Variants in PYGB observed in about 807,000 individuals in gnomAD.
PYGB encodes the protein glycogen phosphorylase B.
PYGB carries 82 observed loss-of-function variants against 94.3 expected under a neutral mutation model. The observed-to-expected ratio is 0.87, with a 90% confidence interval of 0.73 to 1.04. The LOEUF is 1.04. Ranked by LOEUF, PYGB falls within the 50% of genes least tolerant of loss-of-function variation. The pLI is 0.00. For synonymous variants in PYGB, 488 were observed against 479.1 expected (o/e 1.02, Z -0.24); for missense variants, 1,132 against 1,158.2 (o/e 0.98, Z 0.33).
chr20:25,272,093 A>G (rs772183505), intron 4 of PYGB, among the ~76,000 whole-genome samples: 3 of 152,218 alleles, frequency 2.0e-5, no homozygotes, highest in Admixed American at 6.5e-5. Flanking sequence ...GCGTGGTCTT[A>G]AAATGCAACC....
chr20:25,285,006 TTAAA>T (rs1024618411), intron 14 of PYGB: 7 of 152,218 alleles, frequency 4.6e-5, no homozygotes, highest in Admixed American at 6.5e-5. Context: ...AGTAGGTATT[TTAAA>T]AACCAAAGGA....
chr20:25,294,333 A>C, intron 18 of PYGB, 41 bp downstream of exon 18: 2 of 326,056 alleles, frequency 6.1e-6, no homozygotes, highest in Non-Finnish European at 1.2e-5. Flanking sequence ...GGAGGGAGGG[A>C]GGGAGGGAGG....
At chr20:25,248,442 G>A in intron 1 of PYGB, 21 bp downstream of exon 1, 1 of 1,388,956 alleles carries the variant, frequency 7.2e-7, no homozygotes, top group Admixed American at 2.8e-5. Flanking sequence ...GCCCCGCCCT[G>A]TGCGCCCGTG....
In PYGB at chr20:25,271,364, T is replaced by C. The variant is rs6050511; in HGVS notation, c.425-19T>C. The C allele has an allele frequency of 0.014, 23,044 of 1,610,670 alleles. 1,920 individuals are homozygous for C. In the African/African-American group the frequency reaches 0.22, roughly 16 times the overall value. On this transcript the variant is annotated intron_variant, in intron 3 of 19. Transcript: ENST00000216962. ...TGCCGTGCCTTTGATTCTGACTGAT[T>C]TGTGATTGATTTTTTCAGCGTGTTT...
At chr20:25,279,325 G>A (rs1484667959) in intron 9 of PYGB, among the ~76,000 whole-genome samples, 176 bp downstream of exon 9, 1 of 152,066 alleles carries the variant, frequency 6.6e-6, no homozygotes, top group South Asian at 2.1e-4. Flanking sequence ...CGGAGGTTCC[G>A]GGGGCCAGAG....
chr20:25,276,532 C>T (rs1269253000), intron 5 of PYGB, 114 bp from the exon 6 acceptor site: 22 of 783,042 alleles, frequency 2.8e-5, no homozygotes, highest in South Asian at 2.7e-4. Context: ...AAGGGGGAGA[C>T]GGTGGGGGGC....
chr20:25,294,494 G>T (rs1055470353), intron 18 of PYGB, among the ~76,000 whole-genome samples: 3 of 152,224 alleles, frequency 2.0e-5, no homozygotes, highest in Non-Finnish European at 4.4e-5. Context: ...ATGCCAGGGG[G>T]CCCTGGGCAG....
chr20:25,293,923 G>GA, intron 17 of PYGB: 1 of 565,902 alleles, frequency 1.8e-6, no homozygotes, highest in Non-Finnish European at 3.2e-6. Context: ...TTCTTTAACA[G>GA]TCAAAGGAGC....
At chr20:25,271,876 G>T (rs531714156) in intron 4 of PYGB, among the ~76,000 whole-genome samples, 3 of 152,372 alleles carry the variant, frequency 2.0e-5, no homozygotes, top group Non-Finnish European at 4.4e-5. Context: ...GCCTCAGTGG[G>T]ATGTTGGCCC....
intron 15 of PYGB, among the ~76,000 whole-genome samples, chr20:25,290,239 A>G (rs2088453765): frequency 1.3e-5 from 2 of 152,134 alleles, no homozygotes; most frequent in Admixed American, 1.3e-4. Flanking sequence ...CCTAACAACA[A>G]CCAGAAAACC....
rs758229367 is a variant in PYGB at position 25,283,260 on chromosome 20, G to A, written c.1603G>A (p.Val535Met). Residue 535 changes from valine to methionine, a missense_variant, in exon 13 of 20, where the codon GTG (valine) becomes ATG (methionine). Transcript: ENST00000216962. ...CAGTGACGAGGTGTTCATCAGGGAC[G>A]TGGCCAAGGTCAAACAGGTAGGCAT... is the stretch of plus-strand genomic sequence containing the variant. The part of the protein sequence containing the change: ...LVSDEVFIRD[V>M]AKVKQENKLK... The A allele has an allele frequency of 2.5e-6, 4 of 1,613,504 alleles. No individual in the cohort carries two copies. Among genetic ancestry groups the A allele is most frequent in the South Asian group, 1.1e-5 (1 of 91,078 alleles).
At chr20:25,272,171 G>A (rs1282302719) in intron 4 of PYGB, among the ~76,000 whole-genome samples, 3 of 152,236 alleles carry the variant, frequency 2.0e-5, no homozygotes, top group Non-Finnish European at 4.4e-5. Context: ...ATTCCATTCG[G>A]TTAGAAAATG....
chr20:25,271,306 C>A (rs376918017), intron 3 of PYGB, 77 bp from the exon 4 acceptor site: 1 of 1,368,134 alleles, frequency 7.3e-7, no homozygotes, highest in Non-Finnish European at 1.0e-6. Context: ...TTCTGCCTTG[C>A]GCCCTGTGGG....
intron 2 of PYGB, among the ~76,000 whole-genome samples, chr20:25,260,982 A>T (rs2092912170): frequency 6.6e-6 from 1 of 152,238 alleles, no homozygotes; most frequent in Non-Finnish European, 1.5e-5. Context: ...GCAGCCGGGA[A>T]GCTTGAACTG....
At chr20:25,280,065 C>T (rs987788099) in intron 9 of PYGB, among the ~76,000 whole-genome samples, 2 of 152,224 alleles carry the variant, frequency 1.3e-5, no homozygotes, top group Admixed American at 6.5e-5. Context: ...CAGTGGGTTG[C>T]GTCAGCAGAG....
chr20:25,295,752 A>C (rs1174518838), intron 19 of PYGB, 82 bp downstream of exon 19: 1 of 1,443,340 alleles, frequency 6.9e-7, no homozygotes, highest in Non-Finnish European at 9.7e-7. Context: ...TTATTTCCCA[A>C]GCTGAGTAGA....
intron 1 of PYGB, among the ~76,000 whole-genome samples, chr20:25,254,345 CTT>C (rs1405887974): frequency 1.3e-5 from 2 of 151,998 alleles, no homozygotes; most frequent in African/African-American, 2.4e-5. Flanking sequence ...CAGATTATAT[CTT>C]TTATTATTAT....
intron 7 of PYGB, among the ~76,000 whole-genome samples, chr20:25,277,856 G>T (rs1472380782): frequency 1.3e-5 from 2 of 152,226 alleles, no homozygotes; most frequent in Non-Finnish European, 2.9e-5. Context: ...CTTTCTTTTT[G>T]TTGTTGTTGC....
At chr20:25,259,371 C>A (rs200941639) in intron 2 of PYGB, 33 bp downstream of exon 2, 1 of 1,520,566 alleles carries the variant, frequency 6.6e-7, no homozygotes, top group Non-Finnish European at 9.1e-7. Context: ...TTCTGGGTGG[C>A]CCCTCGTGGT....
Sources: gnomAD v4.1 joint callset for allele counts (sites outside exome capture counted in the v4.1 genomes callset) on GRCh38, gnomAD v4.1.1 for gene constraint, MANE v1.5 for transcripts, NCBI Gene and HGNC (gene_info 2026-07-23, HGNC 2026-07-21) for gene names.